Variants in EMILIN2 observed in about 807,000 individuals in gnomAD.
EMILIN2 encodes elastin microfibril interfacer 2.
Under a neutral mutation model 87.1 loss-of-function variants are expected in EMILIN2, and 71 were observed. The ratio of observed to expected loss-of-function variants is 0.82; its 90% CI spans 0.67 to 0.99. The LOEUF is 0.99. Ranked by LOEUF, EMILIN2 falls within the 50% of genes least tolerant of loss-of-function variation. EMILIN2 has a pLI of 0.00. For synonymous variants in EMILIN2, 581 were observed against 563.4 expected, an observed-to-expected ratio of 1.03 and a Z score of -0.44; for missense variants, 1,407 against 1,371.8, an observed-to-expected ratio of 1.03 and a Z score of -0.40.
rs1245285035 is a variant in EMILIN2 at position 2,880,786 on chromosome 18, G to A, written c.258-4178G>A. On this transcript the variant is annotated intron_variant, in intron 2 of 7. Transcript: ENST00000254528. The surrounding 1 kb of genome is among the most constrained non-coding windows in gnomAD (Gnocchi z 4.1). ...TGTCTCTGTTTCATGTCCCCTGCCT[G>A]GTCCTCTTAGGAGGGTGGCCGATTC... is the stretch of plus-strand genomic sequence containing the variant. Among the ~76,000 whole-genome samples, 3 of 152,272 alleles carry A rather than the reference G, an allele frequency of 2.0e-5. No individual in the cohort carries two copies. The East Asian group carries it at 5.8e-4, about 29-fold the overall frequency.
intron 5 of EMILIN2, 150 bp from the exon 6 acceptor site, chr18:2,908,793 A>G (rs1568486519): frequency 1.2e-6 from 1 of 859,030 alleles, no homozygotes; most frequent in East Asian, 2.4e-5. Context: ...GAAGGAGGGC[A>G]GTGACAGTGG....
rs1223170090 is a variant in EMILIN2, at chr18:2,848,300, T to C, written c.257+369T>C. On this transcript the variant is annotated intron_variant, in intron 2 of 7. Transcript: ENST00000254528. The surrounding 1 kb of genome is among the most constrained non-coding windows in gnomAD (Gnocchi z 4.1). ...TGTGTGTTCTGGGGCACACAGAAGA[T>C]TCCAAAATGTATACTGCTAAAGACT... is the stretch of plus-strand genomic sequence containing the variant. Among the ~76,000 whole-genome samples, 2 of 152,190 alleles carry C rather than the reference T, an allele frequency of 1.3e-5. No homozygotes were observed. Among genetic ancestry groups the C allele is most frequent in the Non-Finnish European group, 2.9e-5 (2 of 68,040 alleles).
In EMILIN2 at chr18:2,890,856, A is replaced by G. The variant is rs1246296186; in HGVS notation, c.729A>G (p.Thr243=). The change falls in exon 4 of 8, where the codon ACA becomes ACG. Residue 243 remains threonine (T), a synonymous_variant. Coordinates refer to ENST00000254528, the MANE Select transcript of EMILIN2 (RefSeq NM_032048.3). The surrounding 1 kb of genome is among the most constrained non-coding windows in gnomAD (Gnocchi z 4.7). The part of the protein sequence containing the change: ...PKPDTTVSGD[T]ETGQSPGVFN... ...CTGACACCACTGTTAGTGGAGACAC[A>G]GAAACGGGCCAGAGTCCTGGTGTCT... 3 of 1,613,912 alleles carry G rather than the reference A, an allele frequency of 1.9e-6. No individual in the cohort carries two copies. The highest frequency in any genetic ancestry group is 3.3e-5 in the Admixed American group (2 of 60,024).
chr18:2,887,242 G>T (rs907195275), intron 3 of EMILIN2, among the ~76,000 whole-genome samples: 4 of 151,978 alleles, frequency 2.6e-5, no homozygotes, highest in African/African-American at 9.7e-5. Context: ...CCAGTTTTTT[G>T]TGTGTGACTT....
intron 2 of EMILIN2, among the ~76,000 whole-genome samples, chr18:2,851,704 A>T (rs1358060896): frequency 1.3e-5 from 2 of 152,150 alleles, no homozygotes; most frequent in Non-Finnish European, 2.9e-5. Flanking sequence ...TAGATTCCAG[A>T]TTGTGAATTT....
chr18:2,909,299 C>T (rs1021547980), intron 6 of EMILIN2, among the ~76,000 whole-genome samples: 1 of 152,234 alleles, frequency 6.6e-6, no homozygotes, highest in African/African-American at 2.4e-5. Context: ...CCTGGGGCTC[C>T]AGGTTTTACT....
Position 2,903,498 on chromosome 18 carries a change from G to A in EMILIN2, c.2360-3285G>A, listed in dbSNP as rs552327275. 2.4e-4 allele frequency among the ~76,000 whole-genome samples: 36 copies of A among 152,078 alleles called. No individual in the cohort carries two copies. In the East Asian group the frequency reaches 3.5e-3, roughly 15 times the overall value. On this transcript the variant is annotated intron_variant, in intron 4 of 7. Transcript: ENST00000254528. ...TTTCTTTTCTTTGGTACTTACCTCC[G>A]TATTTCTAAATTGATTTATCAGCTT... is the stretch of plus-strand genomic sequence containing the variant.
chr18:2,903,854 T>G (rs1349257958), intron 4 of EMILIN2, among the ~76,000 whole-genome samples: 1 of 152,212 alleles, frequency 6.6e-6, no homozygotes, highest in African/African-American at 2.4e-5. Flanking sequence ...TCTAGACTTT[T>G]GCAATAAGGC....
In EMILIN2 at chr18:2,891,073, G is replaced by A; in HGVS notation, c.946G>A (p.Ala316Thr). Residue 316 changes from alanine to threonine, a missense_variant, in exon 4 of 8, where the codon GCC becomes ACC. By Grantham distance (58) the Ala-to-Thr change is moderately conservative (BLOSUM62 0). Coordinates refer to ENST00000254528, the MANE Select transcript of EMILIN2 (RefSeq NM_032048.3). This position sits in a 1 kb window ranked among gnomAD's most constrained non-coding sequence, Gnocchi z 4.6. Reference protein sequence around the residue: ...VTMTTNELYQAYVDSKIDALR... With the variant: ...VTMTTNELYQTYVDSKIDALR... ...CATGACAACCAACGAACTCTACCAA[G>A]CCTATGTGGACAGTAAGATCGACGC... 1.2e-6 allele frequency: 2 copies of A among 1,614,210 alleles called. No homozygotes were observed. Among genetic ancestry groups the A allele is most frequent in the Non-Finnish European group, 1.7e-6 (2 of 1,180,050 alleles).
chr18:2,905,874 T>TCGGCCTCCC (rs2076909268), intron 4 of EMILIN2, among the ~76,000 whole-genome samples: 1 of 150,754 alleles, frequency 6.6e-6, no homozygotes, highest in Admixed American at 6.6e-5. Context: ...TCCGGCCGCG[T>TCGGCCTCCC]CGGCCTCCCA....
rs1325825133 is a variant in EMILIN2 at position 2,907,859 on chromosome 18, C to T, written c.2662+774C>T. Among the ~76,000 whole-genome samples the T allele has an allele frequency of 6.6e-5, 10 of 152,198 alleles. No homozygotes were observed. The East Asian group carries it at 1.9e-3, about 29-fold the overall frequency. On this transcript the variant is annotated intron_variant, in intron 5 of 7. Coordinates refer to ENST00000254528, the MANE Select transcript of EMILIN2 (RefSeq NM_032048.3). ...TGAATGGGGCAGGTCATGTCATCTG[C>T]CATAGATACATGCATAGAACAATGC... is the stretch of plus-strand genomic sequence containing the variant.
At chr18:2,902,990 C>T (rs2076894820) in intron 4 of EMILIN2, among the ~76,000 whole-genome samples, 1 of 152,100 alleles carries the variant, frequency 6.6e-6, no homozygotes. Flanking sequence ...TGTGCTTTGC[C>T]ATTTTAAGAT....
At position 2,906,787 on chromosome 18, in the gene EMILIN2, G is replaced by A. The variant is rs1299747766; in HGVS notation, c.2364G>A (p.Ala788=). ...TTTCTCCCCGACGCCCGGCAGAGGCGCCCTCGCCCCCGCCGCCCGCAGAGG... is the reference window on the plus strand; with the variant it reads ...TTTCTCCCCGACGCCCGGCAGAGGCACCCTCGCCCCCGCCGCCCGCAGAGG... ...DLVKFQPSAK[A]PSPPPPAEAP... is the part of the protein sequence containing the mutation. The change falls in exon 5 of 8, where the codon GCG becomes GCA. Residue 788 remains alanine (A), a synonymous_variant. Coordinates refer to ENST00000254528, the MANE Select transcript of EMILIN2 (RefSeq NM_032048.3). 1.7e-5 allele frequency: 21 copies of A among 1,262,876 alleles called. No individual in the cohort carries two copies. The South Asian group carries it at 4.0e-4, about 24-fold the overall frequency. The allele number at this position is 1,262,876 out of a possible 1,614,324, so 78.2% of individuals were successfully genotyped here.
intron 2 of EMILIN2, among the ~76,000 whole-genome samples, chr18:2,878,508 A>C (rs77607784): frequency 6.6e-6 from 1 of 152,118 alleles, no homozygotes; most frequent in Non-Finnish European, 1.5e-5. Context: ...AAAAAAAAAA[A>C]AGAGGCTAAA....
At position 2,913,150 on chromosome 18, in the gene EMILIN2, C is replaced by T. The variant is rs149222205; in HGVS notation, c.2908C>T (p.Leu970=). 1.9e-5 allele frequency: 30 copies of T among 1,613,886 alleles called. No homozygotes were observed. Among genetic ancestry groups the T allele is most frequent in the Non-Finnish European group, 2.5e-5 (30 of 1,180,030 alleles). ...PERDAYVEAV[L]SVSNASVAQL... ...GAGAGACGCCTACGTGGAAGCAGTG[C>T]TGTCGGTCTCCAACGCCAGCGTGGC... The change falls in exon 8 of 8, where the codon CTG becomes TTG. Residue 970 remains leucine (L), a synonymous_variant. Transcript: ENST00000254528.
In EMILIN2 at chr18:2,913,666, T is replaced by C. The variant is rs1455449733; in HGVS notation, c.*262T>C. 6.7e-6 allele frequency: 2 copies of C among 300,216 alleles called. No individual in the cohort carries two copies. The highest frequency in any genetic ancestry group is 5.6e-5 in the South Asian group (1 of 17,760). The allele number at this position is 300,216 out of a possible 1,614,324, so 18.6% of individuals were successfully genotyped here. A position where few individuals can be genotyped will look rare whatever the true frequency, so the allele number is the denominator to read the frequency against. ...GAAGACTTGGAAAGGCCTCCACCTG[T>C]ATCTACACTCTGAGGGCCCTGGACT... is the stretch of plus-strand genomic sequence containing the variant. On this transcript the variant is annotated 3_prime_UTR_variant, in exon 8 of 8. Transcript: ENST00000254528.
intron 2 of EMILIN2, among the ~76,000 whole-genome samples, chr18:2,868,083 G>A (rs1353995120): frequency 6.6e-6 from 1 of 152,156 alleles, no homozygotes; most frequent in African/African-American, 2.4e-5. Context: ...CTTCTCAGAT[G>A]GAGCGGCTGC....
At chr18:2,881,577 T>C (rs1320492128) in intron 2 of EMILIN2, among the ~76,000 whole-genome samples, 1 of 152,222 alleles carries the variant, frequency 6.6e-6, no homozygotes, top group Non-Finnish European at 1.5e-5. Flanking sequence ...GCTGCTGGGC[T>C]GGAGTGGGGG....
In EMILIN2 at chr18:2,891,592, C is replaced by T. The variant is rs777010464; in HGVS notation, c.1465C>T (p.Leu489Phe). The T allele has an allele frequency of 6.2e-7, 1 of 1,614,024 alleles. No homozygotes were observed. Residue 489 changes from leucine (L) to phenylalanine (F), a missense_variant, in exon 4 of 8, where the codon CTT becomes TTT. By Grantham distance (22) the Leu-to-Phe change is conservative (BLOSUM62 0). Transcript: ENST00000254528. The surrounding 1 kb of genome is among the most constrained non-coding windows in gnomAD (Gnocchi z 4.6). ...INGEVGDLKQ[L>F]VDQKIQSLED... ...TGGAGAGGTGGGTGACTTGAAGCAG[C>T]TTGTTGATCAGAAAATACAGTCTCT...
Sources: gnomAD v4.1 joint callset for allele counts (sites outside exome capture counted in the v4.1 genomes callset) on GRCh38, gnomAD v4.1.1 for gene constraint, Gnocchi (gnomAD v3.1) non-coding constraint, MANE v1.5 for transcripts, NCBI Gene and HGNC (gene_info 2026-07-23, HGNC 2026-07-21) for gene names.